The following ROBO2 variants were observed in gnomAD, a reference collection of about 807,000 sequenced individuals.
ROBO2 encodes roundabout guidance receptor 2.
Under a neutral mutation model 160.8 loss-of-function variants are expected in ROBO2, and 53 were observed. The observed-to-expected ratio is 0.33, with a 90% CI of 0.26 to 0.41. The LOEUF is 0.41. Among genes scored for constraint, ROBO2 ranks in the 10% least tolerant of loss-of-function variants. ROBO2 has a pLI of 1.00. For missense variants in ROBO2, 1,577 were observed against 1,722.4 expected (o/e 0.92, Z 1.49); for synonymous variants, 664 against 611.7 (o/e 1.09, Z -1.26).
intron 2 of ROBO2, among the ~76,000 whole-genome samples, chr3:76,433,382 C>T (rs1456694247): frequency 6.6e-6 from 1 of 152,066 alleles, no homozygotes; most frequent in Non-Finnish European, 1.5e-5. Context: ...TTGCAATAAA[C>T]ATGTAATAAA....
At chr3:77,311,642 T>C (rs1177881207) in intron 2 of ROBO2, among the ~76,000 whole-genome samples, 2 of 152,374 alleles carry the variant, frequency 1.3e-5, no homozygotes, top group East Asian at 1.9e-4. Flanking sequence ...CTGGGTTCAC[T>C]TGAAAAGTAC....
Position 76,668,813 on chromosome 3 carries a change from C to T in ROBO2, c.110-429201C>T, listed in dbSNP as rs372357119. ...GTAAGAATGAGACTTGTTTGGTCAT[C>T]TATAGTTTATTTCTGAGGAACTGAA... On this transcript the variant is annotated intron_variant, in intron 2 of 26. Transcript: ENST00000487694. 2.0e-5 allele frequency among the ~76,000 whole-genome samples: 3 copies of T among 151,244 alleles called. No individual in the cohort carries two copies. The East Asian group carries it at 5.8e-4, about 29-fold the overall frequency.
chr3:77,202,052 C>T (rs910613271), intron 2 of ROBO2, among the ~76,000 whole-genome samples: 2 of 152,026 alleles, frequency 1.3e-5, no homozygotes, highest in Non-Finnish European at 2.9e-5. Context: ...GTATGTTTCT[C>T]AATCTACATT....
At chr3:76,503,580 A>C (rs2080602570) in intron 2 of ROBO2, among the ~76,000 whole-genome samples, 1 of 152,234 alleles carries the variant, frequency 6.6e-6, no homozygotes, top group South Asian at 2.1e-4. Context: ...GAATAAATAT[A>C]GAAAATGTGG....
chr3:77,279,226 T>C (rs1042771547), intron 2 of ROBO2, among the ~76,000 whole-genome samples: 17 of 152,130 alleles, frequency 1.1e-4, no homozygotes, highest in Admixed American at 2.0e-4. Context: ...GAATCGTATA[T>C]ATTTTCTGAA....
At chr3:77,593,643 C>T (rs1254724121) in intron 17 of ROBO2, among the ~76,000 whole-genome samples, 1 of 152,042 alleles carries the variant, frequency 6.6e-6, no homozygotes, top group Admixed American at 6.6e-5. Flanking sequence ...AGTCATATTA[C>T]CTGATTATGA....
At chr3:77,301,315 T>A (rs930165211) in intron 2 of ROBO2, among the ~76,000 whole-genome samples, 5 of 152,132 alleles carry the variant, frequency 3.3e-5, no homozygotes, top group African/African-American at 1.2e-4. Flanking sequence ...AGAATAATTA[T>A]TCTGGGGGAG....
chr3:76,638,173 G>A (rs1397171023), intron 2 of ROBO2, among the ~76,000 whole-genome samples: 2 of 152,138 alleles, frequency 1.3e-5, no homozygotes, highest in African/African-American at 4.8e-5. Flanking sequence ...TTTTTATCCA[G>A]TTATAGGAAG....
intron 2 of ROBO2, among the ~76,000 whole-genome samples, chr3:76,567,763 CTGTGTGTGTGTG>C (rs71101900): frequency 8.3e-4 from 73 of 88,364 alleles, no homozygotes; most frequent in African/African-American, 3.0e-3. Flanking sequence ...ATATATCTGT[CTGTGTGTGTGTG>C]TGTGTGTGTG....
intron 2 of ROBO2, among the ~76,000 whole-genome samples, chr3:76,615,071 TA>T (rs1189266239): frequency 6.6e-6 from 1 of 152,122 alleles, no homozygotes; most frequent in Non-Finnish European, 1.5e-5. Context: ...AATAGGAAAT[TA>T]AACTGAAATT....
intron 1 of ROBO2, among the ~76,000 whole-genome samples, chr3:77,059,135 A>T (rs1209009073): frequency 6.6e-6 from 1 of 152,110 alleles, no homozygotes; most frequent in Non-Finnish European, 1.5e-5. Context: ...GTGCCTGGAG[A>T]ACTCCCTGGG....
chr3:76,620,819 C>T (rs1578605689), intron 2 of ROBO2, among the ~76,000 whole-genome samples: 1 of 152,222 alleles, frequency 6.6e-6, no homozygotes, highest in East Asian at 1.9e-4. Flanking sequence ...GTCTTGGGTA[C>T]ATACTAACAG....
At chr3:77,188,646 C>T (rs1424165211) in intron 2 of ROBO2, among the ~76,000 whole-genome samples, 1 of 151,766 alleles carries the variant, frequency 6.6e-6, no homozygotes, top group East Asian at 1.9e-4. Flanking sequence ...ATAAAACTGG[C>T]AACAAGCATT....
chr3:76,679,050 C>T (rs1212982618), intron 2 of ROBO2, among the ~76,000 whole-genome samples: 3 of 152,140 alleles, frequency 2.0e-5, no homozygotes, highest in African/African-American at 7.2e-5. Flanking sequence ...ACAGATGGGA[C>T]AAGTATGGCA....
chr3:76,430,946 C>G (rs577900192), intron 2 of ROBO2, among the ~76,000 whole-genome samples: 1 of 151,872 alleles, frequency 6.6e-6, no homozygotes, highest in Non-Finnish European at 1.5e-5. Flanking sequence ...TTATGAAACT[C>G]TCTTACTGTT....
At chr3:77,072,457 C>G (rs2067526624) in intron 1 of ROBO2, among the ~76,000 whole-genome samples, 1 of 152,144 alleles carries the variant, frequency 6.6e-6, no homozygotes, top group Non-Finnish European at 1.5e-5. Context: ...AACTTGTGAT[C>G]TAGAACTGAC....
intron 2 of ROBO2, among the ~76,000 whole-genome samples, chr3:76,379,373 CAT>C (rs1043603449): frequency 1.3e-5 from 2 of 151,886 alleles, no homozygotes; most frequent in African/African-American, 2.4e-5. Flanking sequence ...ATATTTTTAA[CAT>C]AAAAAATAGC....
intron 2 of ROBO2, among the ~76,000 whole-genome samples, chr3:76,524,983 C>T (rs1475486409): frequency 6.7e-6 from 1 of 150,236 alleles, no homozygotes; most frequent in Admixed American, 6.6e-5. Context: ...CAAGAGAATT[C>T]AAAGAAAAAA....
At chr3:77,617,052 G>A (rs958163401) in intron 21 of ROBO2, among the ~76,000 whole-genome samples, 3 of 152,116 alleles carry the variant, frequency 2.0e-5, no homozygotes, top group Non-Finnish European at 4.4e-5. Context: ...GGAATGAAAG[G>A]TTGTCAGATA....
Sources: allele counts gnomAD v4.1 joint callset (sites outside exome capture counted in the v4.1 genomes callset), GRCh38; gene constraint gnomAD v4.1.1; transcripts MANE v1.5; gene names NCBI Gene and HGNC (gene_info 2026-07-23, HGNC 2026-07-21).